SNX19: variants seen among roughly 807,000 people sequenced by gnomAD.
The protein encoded by SNX19 is sorting nexin-19.
A neutral mutation model predicts 85.2 loss-of-function variants in SNX19; 60 were observed. The ratio of observed to expected loss-of-function variants is 0.70; its 90% CI spans 0.57 to 0.87. The LOEUF (loss-of-function observed/expected upper bound fraction) is 0.87, where lower values mean the gene tolerates loss of function less well. Ranked by LOEUF, SNX19 falls within the 40% of genes least tolerant of loss-of-function variation. SNX19 has a pLI of 0.00. For missense variants in SNX19, 1,201 were observed against 1,217.8 expected, an observed-to-expected ratio of 0.99 and a Z score of 0.21; for synonymous variants, 520 against 470.0, an observed-to-expected ratio of 1.11 and a Z score of -1.38.
At chr11:130,914,136 C>A in intron 1 of SNX19, 130 bp downstream of exon 1, 1 of 718,520 alleles carries the variant, frequency 1.4e-6, no homozygotes. Flanking sequence ...AGACCATTCA[C>A]AGAGATAGAT....
Position 130,875,040 on chromosome 11 carries a change from G to T in SNX19, c.*3382C>A, listed in dbSNP as rs1281610439. The stretch of plus-strand genomic sequence containing the variant: ...TTTATCTAAAATAATTAAAAGCAGG[G>T]CCTCGAAGAAACAGTCACACTCCCA... On this transcript the variant is annotated 3_prime_UTR_variant, in exon 11 of 11. Coordinates refer to ENST00000265909, the MANE Select transcript of SNX19 (RefSeq NM_014758.3). Among the ~76,000 whole-genome samples the T allele has an allele frequency of 6.6e-6, 1 of 152,124 alleles. No homozygotes were observed. Among genetic ancestry groups the T allele is most frequent in the African/African-American group, 2.4e-5 (1 of 41,428 alleles).
intron 1 of SNX19, among the ~76,000 whole-genome samples, chr11:130,912,071 T>G (rs1328772629): frequency 1.3e-5 from 2 of 152,198 alleles, no homozygotes; most frequent in Non-Finnish European, 2.9e-5. Context: ...ATAGAAGGCA[T>G]AACATCCATA....
intron 7 of SNX19, chr11:130,905,724 A>G: frequency 3.3e-6 from 5 of 1,535,940 alleles, no homozygotes; most frequent in Non-Finnish European, 4.4e-6. Context: ...ATCCTGCTGG[A>G]TTAGAACTTC....
intron 1 of SNX19, among the ~76,000 whole-genome samples, chr11:130,912,142 AT>A (rs1358134257): frequency 1.3e-5 from 2 of 152,210 alleles, no homozygotes; most frequent in Non-Finnish European, 2.9e-5. Flanking sequence ...GGGGCAAACC[AT>A]TTTTCCATTA....
At chr11:130,895,982 G>C (rs1400442503) in intron 8 of SNX19, among the ~76,000 whole-genome samples, 1 of 152,220 alleles carries the variant, frequency 6.6e-6, no homozygotes, top group African/African-American at 2.4e-5. Context: ...TAATGGAAGA[G>C]GCCTGGGACA....
chr11:130,892,901 A>C (rs1944593794), intron 8 of SNX19: 1 of 152,124 alleles, frequency 6.6e-6, no homozygotes, highest in Non-Finnish European at 1.5e-5. Context: ...AAGGGCAGAG[A>C]GGTGGGGTGG....
rs141611727 is a variant in SNX19, at chr11:130,914,605, T to C, written c.1335A>G (p.Pro445=). The part of the protein sequence containing the change: ...GLPVSTLNSC[P]EIHIDTADKE... Reference sequence around the variant, plus strand: ...TGTCTGCTGTGTCAATATGGATCTCTGGGCAGGAATTCAGTGTGGAGACCG... The same window carrying C: ...TGTCTGCTGTGTCAATATGGATCTCCGGGCAGGAATTCAGTGTGGAGACCG... Residue 445 remains proline (P), a synonymous_variant, in exon 1 of 11, where the codon CCA becomes CCG. Coordinates refer to ENST00000265909, the MANE Select transcript of SNX19 (RefSeq NM_014758.3). The C allele has an allele frequency of 5.9e-4, 948 of 1,613,886 alleles. No individual in the cohort carries two copies. Among genetic ancestry groups the C allele is most frequent in the Non-Finnish European group, 6.4e-4 (756 of 1,179,798 alleles).
At chr11:130,887,117 G>A (rs1010035271) in intron 8 of SNX19, among the ~76,000 whole-genome samples, 12 of 152,164 alleles carry the variant, frequency 7.9e-5, no homozygotes, top group Admixed American at 3.3e-4. Context: ...TACTTCAAGG[G>A]AAGACTTGAC....
In SNX19 at chr11:130,914,810, A is replaced by G. The variant is rs1565557369; in HGVS notation, c.1130T>C (p.Leu377Pro). ...GATGGTTTCTTTGCCCAGTTCAGAC[A>G]GCGGAGACTCCAGCTCTGAGTCTTC... ...LCEDSELESPLSELGKETIML... is the reference protein window; with the variant it reads ...LCEDSELESPPSELGKETIML... Residue 377 changes from leucine (L) to proline (P), a missense_variant, in exon 1 of 11, where the codon CTG becomes CCG. This residue lies in a region of SNX19 where 791 missense variants were observed against 750.9 expected (regional missense o/e 1.05). Coordinates refer to ENST00000265909, the MANE Select transcript of SNX19 (RefSeq NM_014758.3). The G allele has an allele frequency of 6.2e-7, 1 of 1,614,250 alleles. No homozygotes were observed. The highest frequency in any genetic ancestry group is 8.5e-7 in the Non-Finnish European group (1 of 1,180,050).
At chr11:130,913,150 A>G (rs1414243143) in intron 1 of SNX19, among the ~76,000 whole-genome samples, 1 of 152,216 alleles carries the variant, frequency 6.6e-6, no homozygotes, top group East Asian at 1.9e-4. Flanking sequence ...ATGAGGAGGG[A>G]AAAAACCTGC....
In SNX19 at chr11:130,870,987, GCAAT is replaced by G. The variant is rs569407726; in HGVS notation, c.*7431_*7434del. On this transcript the variant is annotated 3_prime_UTR_variant, in exon 11 of 11. Transcript: ENST00000265909. ...GAAAGTGGGAAGAGTTTTGGCTGGTGCAATCAGACAGTGCTTCTTGAAAATGGAA... is the reference window on the plus strand; with the variant it reads ...GAAAGTGGGAAGAGTTTTGGCTGGTGCAGACAGTGCTTCTTGAAAATGGAA... 9.2e-5 allele frequency among the ~76,000 whole-genome samples: 14 copies of G among 152,268 alleles called. No homozygotes were observed. In the East Asian group the frequency reaches 2.7e-3, roughly 29 times the overall value.
intron 8 of SNX19, 30 bp from the exon 9 acceptor site, chr11:130,880,836 T>C (rs749852863): frequency 6.6e-7 from 1 of 1,512,266 alleles, no homozygotes; most frequent in Non-Finnish European, 9.0e-7. Flanking sequence ...AAAGCTTAGA[T>C]AAAGCTGAAG....
In SNX19 at chr11:130,867,352, TG is replaced by T. The variant is rs1942810224; in HGVS notation, c.*11069del. ...TGAAAAGATGAAATGAGATGGCTGA[TG>T]GGAAACGCTCTGGGACATGAACATA... On this transcript the variant is annotated 3_prime_UTR_variant, in exon 11 of 11. Transcript: ENST00000265909. 1 of 152,208 alleles carries T rather than the reference TG, an allele frequency of 6.6e-6. No homozygotes were observed. The highest frequency in any genetic ancestry group is 2.4e-5 in the African/African-American group (1 of 41,460). 9.4% of individuals were successfully genotyped at this position (152,208 alleles called of 1,614,324 possible).
In SNX19 at chr11:130,869,930, A is replaced by T. The variant is rs543222090; in HGVS notation, c.*8492T>A. 1 of 147,844 alleles carries T rather than the reference A, an allele frequency of 6.8e-6. No individual in the cohort carries two copies. Among genetic ancestry groups the T allele is most frequent in the African/African-American group, 2.6e-5 (1 of 37,750 alleles). The allele number at this position is 147,844 out of a possible 1,614,324, so 9.2% of individuals were successfully genotyped here. On this transcript the variant is annotated 3_prime_UTR_variant, in exon 11 of 11. Transcript: ENST00000265909. The stretch of plus-strand genomic sequence containing the variant: ...TATAGAAAAAAAAAAAGGAATAAAG[A>T]AAAAGCAATTGTGAAGTTCCATAAG...
Position 130,879,489 on chromosome 11 carries a change from G to T in SNX19, c.2846+135C>A, listed in dbSNP as rs964449785. 5.7e-6 allele frequency: 4 copies of T among 698,162 alleles called. No homozygotes were observed. The Admixed American group carries it at 1.0e-4, about 17-fold the overall frequency. The allele number at this position is 698,162 out of a possible 1,614,324, so 43.2% of individuals were successfully genotyped here. ...GTGGATCTGGACGTCAAACTCTGTAGTCAGTGCCCAGAGCAAGTAAAGACT... is the reference window on the plus strand; with the variant it reads ...GTGGATCTGGACGTCAAACTCTGTATTCAGTGCCCAGAGCAAGTAAAGACT... On this transcript the variant is annotated intron_variant, in intron 10 of 10. Coordinates refer to ENST00000265909, the MANE Select transcript of SNX19 (RefSeq NM_014758.3).
At chr11:130,882,328 C>T (rs900151352) in intron 8 of SNX19, among the ~76,000 whole-genome samples, 4 of 152,214 alleles carry the variant, frequency 2.6e-5, no homozygotes, top group African/African-American at 9.6e-5. Context: ...TCACTCCTCG[C>T]TCCTATACTC....
intron 7 of SNX19, chr11:130,905,737 G>A: frequency 3.9e-6 from 6 of 1,536,504 alleles, no homozygotes; most frequent in Non-Finnish European, 5.2e-6. Flanking sequence ...AGAACTTCCT[G>A]TGTTTGTGCC....
intron 1 of SNX19, among the ~76,000 whole-genome samples, chr11:130,912,422 C>T (rs73583897): frequency 0.058 from 8,801 of 152,208 alleles, 842 homozygotes; most frequent in African/African-American, 0.2. Flanking sequence ...GTGGAAAAGA[C>T]GACTTATATC....
At chr11:130,906,796 T>G in intron 5 of SNX19, 75 bp from the exon 6 acceptor site, 1 of 1,008,530 alleles carries the variant, frequency 9.9e-7, no homozygotes, top group Non-Finnish European at 1.6e-6. Flanking sequence ...TGGCAAGTAC[T>G]GATAATAAAA....
Sources: allele counts gnomAD v4.1 joint callset (sites outside exome capture counted in the v4.1 genomes callset), GRCh38; gene constraint gnomAD v4.1.1; regional missense constraint gnomAD v4.1.1; transcripts MANE v1.5; gene names NCBI Gene and HGNC (gene_info 2026-07-23, HGNC 2026-07-21).